RAPGEF6: variants seen among roughly 807,000 people sequenced by gnomAD.
The protein encoded by RAPGEF6 is Rap guanine nucleotide exchange factor 6.
Under a neutral mutation model 171.4 loss-of-function variants are expected in RAPGEF6, and 56 were observed. The observed-to-expected ratio is 0.33, with a 90% CI of 0.26 to 0.41. The LOEUF (loss-of-function observed/expected upper bound fraction) is 0.41, where lower values mean the gene tolerates loss of function less well. RAPGEF6 is among the 10% of genes least tolerant of loss of function. The pLI is 1.00. For synonymous variants in RAPGEF6, 692 were observed against 650.1 expected (o/e 1.06, Z -0.98); for missense variants, 1,674 against 1,921.4 (o/e 0.87, Z 2.41).
intron 11 of RAPGEF6, among the ~76,000 whole-genome samples, chr5:131,502,199 C>G (rs1038862327): frequency 6.6e-6 from 1 of 152,154 alleles, no homozygotes; most frequent in Non-Finnish European, 1.5e-5. Flanking sequence ...GAAGACAAGA[C>G]AGTTCATTCC....
At chr5:131,541,983 G>A (rs1271846990) in intron 6 of RAPGEF6, among the ~76,000 whole-genome samples, 29 of 152,242 alleles carry the variant, frequency 1.9e-4, no homozygotes, top group South Asian at 1.9e-3. Flanking sequence ...ATTCTATAAA[G>A]TGACTCATCC....
chr5:131,631,711 T>G (rs1289401395), intron 1 of RAPGEF6, among the ~76,000 whole-genome samples: 1 of 151,842 alleles, frequency 6.6e-6, no homozygotes, highest in East Asian at 1.9e-4. Flanking sequence ...ACTTGGGAGG[T>G]TGAAGCAGGA....
chr5:131,547,855 G>T (rs1181577506), intron 6 of RAPGEF6, among the ~76,000 whole-genome samples, 192 bp downstream of exon 6: 1 of 151,842 alleles, frequency 6.6e-6, no homozygotes, highest in Non-Finnish European at 1.5e-5. Context: ...AGCAAAACCA[G>T]AACTCCCACT....
intron 1 of RAPGEF6, among the ~76,000 whole-genome samples, chr5:131,614,464 T>A (rs141468699): frequency 6.6e-6 from 1 of 151,954 alleles, no homozygotes; most frequent in Non-Finnish European, 1.5e-5. Flanking sequence ...CATCTCGACA[T>A]AGCCAGCAGG....
At chr5:131,588,746 AAACAACAAC>A (rs368837789) in intron 4 of RAPGEF6, among the ~76,000 whole-genome samples, 28 of 151,828 alleles carry the variant, frequency 1.8e-4, no homozygotes, top group Non-Finnish European at 3.5e-4. Flanking sequence ...CCGTCTTAAA[AAACAACAAC>A]AACAACAACA....
chr5:131,632,409 C>G (rs1254355922), intron 1 of RAPGEF6, among the ~76,000 whole-genome samples: 1 of 152,234 alleles, frequency 6.6e-6, no homozygotes, highest in Non-Finnish European at 1.5e-5. Context: ...ATCATCTTCT[C>G]AACCAAGTTA....
intron 1 of RAPGEF6, among the ~76,000 whole-genome samples, chr5:131,610,824 T>C (rs1764891653): frequency 6.6e-6 from 1 of 152,164 alleles, no homozygotes; most frequent in Non-Finnish European, 1.5e-5. Flanking sequence ...TTCAAACCTA[T>C]GTGAAGAAGT....
intron 21 of RAPGEF6, among the ~76,000 whole-genome samples, chr5:131,448,277 T>C (rs1752847844): frequency 6.6e-6 from 1 of 152,352 alleles, no homozygotes; most frequent in Non-Finnish European, 1.5e-5. Context: ...AAAGAAATTT[T>C]AGGAAAACCT....
chr5:131,455,537 C>A (rs185635990), intron 20 of RAPGEF6, among the ~76,000 whole-genome samples: 1 of 152,178 alleles, frequency 6.6e-6, no homozygotes, highest in Non-Finnish European at 1.5e-5. Context: ...GGATTACAGG[C>A]GTGAGCCACC....
At chr5:131,544,750 T>C (rs1373070985) in intron 6 of RAPGEF6, among the ~76,000 whole-genome samples, 1 of 152,198 alleles carries the variant, frequency 6.6e-6, no homozygotes, top group South Asian at 2.1e-4. Context: ...CGGCATGACC[T>C]TGGCTCACTG....
At chr5:131,548,475 C>T (rs1760697855) in intron 5 of RAPGEF6, among the ~76,000 whole-genome samples, 1 of 152,210 alleles carries the variant, frequency 6.6e-6, no homozygotes. Context: ...CTGTTAACTA[C>T]ACCTACACAT....
chr5:131,442,244 C>T lies in RAPGEF6; in HGVS notation c.3610+105G>A, dbSNP rs572586281. On this transcript the variant is annotated intron_variant, in intron 23 of 27. Transcript: ENST00000509018. ...GATTCATAAAGTGACGATTATATTA[C>T]ACAACCTACAACAGCTTATCTCCTG... 1.3e-4 allele frequency: 142 copies of T among 1,109,938 alleles called. No homozygotes were observed. The African/African-American group carries it at 2.0e-3, about 15-fold the overall frequency. The allele number at this position is 1,109,938 out of a possible 1,614,324, so 68.8% of individuals were successfully genotyped here. A position where few individuals can be genotyped will look rare whatever the true frequency, so the allele number is the denominator to read the frequency against.
At chr5:131,621,711 C>A (rs1021754320) in intron 1 of RAPGEF6, among the ~76,000 whole-genome samples, 3 of 152,052 alleles carry the variant, frequency 2.0e-5, no homozygotes, top group African/African-American at 7.2e-5. Context: ...AATGTCTGTA[C>A]CTGTTCAGCA....
intron 6 of RAPGEF6, among the ~76,000 whole-genome samples, chr5:131,529,540 T>C (rs1759223925): frequency 6.6e-6 from 1 of 151,154 alleles, no homozygotes; most frequent in Non-Finnish European, 1.5e-5. Context: ...AGAGTACTAC[T>C]CCAAAAGTGT....
intron 4 of RAPGEF6, among the ~76,000 whole-genome samples, chr5:131,581,724 C>T (rs1025695916): frequency 1.3e-5 from 2 of 152,158 alleles, no homozygotes; most frequent in Non-Finnish European, 2.9e-5. Context: ...GTCCTCTGAG[C>T]TGGGCACACC....
Position 131,431,212 on chromosome 5 carries a change from C to T in RAPGEF6, c.4112G>A (p.Ser1371Asn), listed in dbSNP as rs150501049. 3.7e-5 allele frequency: 60 copies of T among 1,614,192 alleles called. No homozygotes were observed. In the Middle Eastern group the frequency reaches 4.9e-4, roughly 13 times the overall value. ...AAGGCTTTGGAAGTTGTCATGGGAG[C>T]TGCTTGAACACGAAGTCCAACTTCC... ...GRGSWTSCSS[S>N]SHDNFQSLPN... is the part of the protein sequence containing the mutation. Residue 1371 changes from serine to asparagine, a missense_variant, in exon 26 of 28, where the codon AGC (serine) becomes AAC (asparagine). Ser to Asn is a conservative substitution (Grantham distance 46). Coordinates refer to ENST00000509018, the MANE Select transcript of RAPGEF6 (RefSeq NM_016340.6).
At chr5:131,612,234 A>G in intron 1 of RAPGEF6, among the ~76,000 whole-genome samples, 1 of 121,038 alleles carries the variant, frequency 8.3e-6, no homozygotes, top group Non-Finnish European at 1.6e-5. Context: ...TTTGGTGATG[A>G]CAGCCTGGGA....
At chr5:131,447,476 T>G (rs1323009709) in intron 21 of RAPGEF6, 6 of 152,194 alleles carry the variant, frequency 3.9e-5, no homozygotes, top group Non-Finnish European at 5.9e-5. Context: ...TTCACCCGAC[T>G]CTACTCTTTT....
chr5:131,479,385 T>C, intron 16 of RAPGEF6, 128 bp downstream of exon 16: 1 of 927,696 alleles, frequency 1.1e-6, no homozygotes, highest in Non-Finnish European at 1.6e-6. Context: ...ATTTGAGTAC[T>C]GTTTGAAGAC....
Sources: allele counts gnomAD v4.1 joint callset (sites outside exome capture counted in the v4.1 genomes callset), GRCh38; gene constraint gnomAD v4.1.1; transcripts MANE v1.5; gene names NCBI Gene and HGNC (gene_info 2026-07-23, HGNC 2026-07-21).